The following STK32B variants were observed in gnomAD, a reference collection of about 807,000 sequenced individuals.
STK32B encodes serine/threonine-protein kinase 32B.
In STK32B, 43 loss-of-function variants were observed where a neutral mutation model predicts 52.6. That is an observed-to-expected ratio of 0.82 (90% CI 0.64 to 1.05). STK32B has a LOEUF of 1.05. STK32B is among the 50% of genes least tolerant of loss of function. The probability of loss-of-function intolerance (pLI) is 0.00; values close to 1 mark genes in which losing one functional copy is unlikely to be tolerated. For synonymous variants in STK32B, 238 were observed against 204.3 expected, an observed-to-expected ratio of 1.17 and a Z score of -1.41; for missense variants, 621 against 534.6, an observed-to-expected ratio of 1.16 and a Z score of -1.59.
chr4:5,291,651 C>A (rs1340859294), intron 3 of STK32B, among the ~76,000 whole-genome samples: 2 of 152,014 alleles, frequency 1.3e-5, no homozygotes, highest in Non-Finnish European at 2.9e-5. Context: ...ATTTCTCTTT[C>A]CTATTTTCCC....
At chr4:5,110,272 CAAAAAAAAA>C (rs367760309) in intron 1 of STK32B, among the ~76,000 whole-genome samples, 1,290 of 106,740 alleles carry the variant, frequency 0.012, 19 homozygotes, top group African/African-American at 0.041. Context: ...CATATGGAAC[CAAAAAAAAA>C]AAAAAAAAAG....
intron 2 of STK32B, among the ~76,000 whole-genome samples, chr4:5,152,242 T>G (rs979355681): frequency 5.3e-5 from 8 of 152,174 alleles, no homozygotes; most frequent in African/African-American, 1.9e-4. Flanking sequence ...AGATGGCGTT[T>G]TGTTGGTGAA....
At chr4:5,242,931 A>G (rs932830956) in intron 3 of STK32B, among the ~76,000 whole-genome samples, 92 of 151,840 alleles carry the variant, frequency 6.1e-4, no homozygotes, top group African/African-American at 2.1e-3. Flanking sequence ...TGTTCCATTG[A>G]TCTATATCTC....
At chr4:5,281,989 C>T (rs904219235) in intron 3 of STK32B, among the ~76,000 whole-genome samples, 2 of 151,882 alleles carry the variant, frequency 1.3e-5, no homozygotes, top group African/African-American at 4.8e-5. Context: ...ATTAACAAGT[C>T]ATAATTACAT....
intron 3 of STK32B, among the ~76,000 whole-genome samples, chr4:5,308,511 T>C (rs1292836302): frequency 6.6e-6 from 1 of 152,160 alleles, no homozygotes; most frequent in African/African-American, 2.4e-5. Context: ...TTATAAATAT[T>C]ATAGGAGTAA....
chr4:5,137,562 C>T (rs929026764), intron 1 of STK32B, among the ~76,000 whole-genome samples: 1 of 152,152 alleles, frequency 6.6e-6, no homozygotes, highest in Non-Finnish European at 1.5e-5. Flanking sequence ...GTGTGCCAGG[C>T]ATGATTCTGA....
At chr4:5,309,806 A>G (rs1358088635) in intron 3 of STK32B, among the ~76,000 whole-genome samples, 1 of 152,218 alleles carries the variant, frequency 6.6e-6, no homozygotes, top group African/African-American at 2.4e-5. Context: ...GAAATGCTTC[A>G]GGACATTGGT....
chr4:5,190,399 T>C (rs1026097504), intron 3 of STK32B, among the ~76,000 whole-genome samples: 3 of 152,092 alleles, frequency 2.0e-5, no homozygotes, highest in Non-Finnish European at 4.4e-5. Context: ...GAGGAGACAA[T>C]TGAGGCAGAG....
intron 2 of STK32B, among the ~76,000 whole-genome samples, chr4:5,163,746 G>C (rs562213561): frequency 8.5e-5 from 13 of 152,174 alleles, no homozygotes. Flanking sequence ...GAGCAGAGGT[G>C]GGGTAGCCAG....
intron 3 of STK32B, among the ~76,000 whole-genome samples, chr4:5,255,201 A>T (rs1001952160): frequency 3.9e-5 from 6 of 152,202 alleles, no homozygotes; most frequent in African/African-American, 1.2e-4. Flanking sequence ...CTGAGAGCAT[A>T]TAGCAAAGGA....
At chr4:5,209,424 A>C (rs531455665) in intron 3 of STK32B, among the ~76,000 whole-genome samples, 2 of 151,988 alleles carry the variant, frequency 1.3e-5, no homozygotes, top group Non-Finnish European at 2.9e-5. Context: ...GGGTGTTGCT[A>C]TGTTGCCCAA....
chr4:5,439,532 T>A (rs549825515), intron 6 of STK32B, among the ~76,000 whole-genome samples: 1,534 of 148,108 alleles, frequency 0.01, 23 homozygotes, highest in African/African-American at 0.038. Context: ...GGTTGTGAAA[T>A]TTTTCTCCCA....
At chr4:5,192,214 C>G (rs573117839) in intron 3 of STK32B, among the ~76,000 whole-genome samples, 20 of 152,258 alleles carry the variant, frequency 1.3e-4, no homozygotes, top group African/African-American at 4.8e-4. Context: ...CTTAGAAAAC[C>G]TATCACAAGG....
At chr4:5,128,435 T>G (rs1305548639) in intron 1 of STK32B, among the ~76,000 whole-genome samples, 1 of 152,240 alleles carries the variant, frequency 6.6e-6, no homozygotes, top group Non-Finnish European at 1.5e-5. Context: ...AATTATCTTC[T>G]GTCCTGAGGT....
chr4:5,200,914 G>T (rs781670747), intron 3 of STK32B, among the ~76,000 whole-genome samples: 1 of 152,214 alleles, frequency 6.6e-6, no homozygotes, highest in African/African-American at 2.4e-5. Flanking sequence ...GATGTAGCCA[G>T]GGTTGAAACC....
intron 11 of STK32B, among the ~76,000 whole-genome samples, chr4:5,492,900 C>G (rs1291957081): frequency 2.0e-5 from 3 of 150,838 alleles, no homozygotes; most frequent in Non-Finnish European, 2.9e-5. Context: ...GTATATTGAA[C>G]CAGCCTTGCA....
chr4:5,370,450 G>A (rs115911950), intron 4 of STK32B, among the ~76,000 whole-genome samples: 2,884 of 152,258 alleles, frequency 0.019, 60 homozygotes, highest in Middle Eastern at 0.027. Flanking sequence ...GTGAGTCAGA[G>A]GTTTGTTTAC....
intron 3 of STK32B, among the ~76,000 whole-genome samples, chr4:5,220,294 T>C (rs552329438): frequency 2.0e-5 from 3 of 152,198 alleles, no homozygotes; most frequent in Non-Finnish European, 2.9e-5. Context: ...ACTAGTAGTA[T>C]AAAGACCAGA....
At chr4:5,231,872 G>A (rs962268821) in intron 3 of STK32B, among the ~76,000 whole-genome samples, 2 of 152,162 alleles carry the variant, frequency 1.3e-5, no homozygotes, top group Non-Finnish European at 2.9e-5. Flanking sequence ...TTGAGGTGGG[G>A]AGGAAGGATT....
Sources: gnomAD v4.1 joint callset for allele counts (sites outside exome capture counted in the v4.1 genomes callset) on GRCh38, gnomAD v4.1.1 for gene constraint, MANE v1.5 for transcripts, NCBI Gene and HGNC (gene_info 2026-07-23, HGNC 2026-07-21) for gene names.